Variants in SFMBT2 observed in about 807,000 individuals in gnomAD.
The protein encoded by SFMBT2 is Scm like with four mbt domains 2.
In SFMBT2, 38 loss-of-function variants were observed where a neutral mutation model predicts 110.1. That is an observed-to-expected ratio of 0.35 (90% CI 0.27 to 0.45). The LOEUF (loss-of-function observed/expected upper bound fraction) is 0.45. Ranked by LOEUF, SFMBT2 falls within the 20% of genes least tolerant of loss-of-function variation. The pLI is 1.00. For missense variants in SFMBT2, 1,011 were observed against 1,094.9 expected (o/e 0.92, Z 1.08); for synonymous variants, 425 against 425.4 (o/e 1.00, Z 0.01).
intron 4 of SFMBT2, chr10:7,348,106 T>C: frequency 4.5e-6 from 2 of 444,738 alleles, no homozygotes; most frequent in Non-Finnish European, 8.0e-6. Context: ...CATCCCTTCA[T>C]CTCTACGAGT....
intron 4 of SFMBT2, among the ~76,000 whole-genome samples, chr10:7,344,142 G>A (rs1293072310): frequency 1.3e-5 from 2 of 152,194 alleles, no homozygotes; most frequent in African/African-American, 4.8e-5. Flanking sequence ...TAGGGGAAGA[G>A]AGGAAATATT....
chr10:7,379,068 G>A (rs903341590), intron 2 of SFMBT2, among the ~76,000 whole-genome samples: 1 of 152,138 alleles, frequency 6.6e-6, no homozygotes, highest in Non-Finnish European at 1.5e-5. Flanking sequence ...CCAGTGGGCT[G>A]TTGAAGGATT....
intron 4 of SFMBT2, among the ~76,000 whole-genome samples, chr10:7,347,468 G>A (rs1438323839): frequency 6.6e-6 from 1 of 152,074 alleles, no homozygotes; most frequent in Non-Finnish European, 1.5e-5. Context: ...AGGAAAAGGG[G>A]AAATTTTGAG....
chr10:7,248,927 G>T, intron 7 of SFMBT2: 1 of 169,428 alleles, frequency 5.9e-6, no homozygotes, highest in Non-Finnish European at 1.2e-5. Context: ...GCTCGTCCTT[G>T]GTGCTATTAA....
intron 4 of SFMBT2, among the ~76,000 whole-genome samples, chr10:7,322,818 A>G (rs1270195944): frequency 6.6e-6 from 1 of 152,214 alleles, no homozygotes; most frequent in Non-Finnish European, 1.5e-5. Context: ...CCCAAGGCCA[A>G]AAATGAAGCT....
At chr10:7,335,955 A>G (rs1227850003) in intron 4 of SFMBT2, among the ~76,000 whole-genome samples, 3 of 152,228 alleles carry the variant, frequency 2.0e-5, no homozygotes. Context: ...AGCCACTAAA[A>G]AGAAAAAAAA....
At chr10:7,370,454 A>G in intron 2 of SFMBT2, 79 bp from the exon 3 acceptor site, 1 of 1,189,156 alleles carries the variant, frequency 8.4e-7, no homozygotes. Context: ...GAGACCAGAA[A>G]ATCCTTCATA....
intron 14 of SFMBT2, chr10:7,198,217 G>T: frequency 1.1e-6 from 1 of 872,848 alleles, no homozygotes; most frequent in Non-Finnish European, 1.4e-6. Flanking sequence ...TATCCAAGTT[G>T]GTAAATGCGG....
At chr10:7,179,404 A>AC (rs1564369370) in intron 16 of SFMBT2, among the ~76,000 whole-genome samples, 1 of 149,114 alleles carries the variant, frequency 6.7e-6, no homozygotes, top group African/African-American at 2.5e-5. Context: ...AAAAAAAAAA[A>AC]AAAAAAAAAA....
intron 20 of SFMBT2, among the ~76,000 whole-genome samples, chr10:7,169,961 A>G (rs1837820472): frequency 6.6e-6 from 1 of 152,154 alleles, no homozygotes; most frequent in African/African-American, 2.4e-5. Flanking sequence ...ATGCAGAAAG[A>G]AGTGAGGAAG....
At chr10:7,337,643 C>T (rs1356119176) in intron 4 of SFMBT2, among the ~76,000 whole-genome samples, 1 of 152,178 alleles carries the variant, frequency 6.6e-6, no homozygotes, top group Non-Finnish European at 1.5e-5. Context: ...GCTTCCTGTA[C>T]ATCCTGTGGA....
chr10:7,173,699 G>A (rs1012336970), intron 17 of SFMBT2, among the ~76,000 whole-genome samples: 1 of 152,098 alleles, frequency 6.6e-6, no homozygotes, highest in Non-Finnish European at 1.5e-5. Context: ...CGACCCAGAC[G>A]CCTACTCATT....
At chr10:7,268,093 C>T (rs918868421) in intron 7 of SFMBT2, among the ~76,000 whole-genome samples, 1 of 152,104 alleles carries the variant, frequency 6.6e-6, no homozygotes, top group East Asian at 1.9e-4. Context: ...ATAAGAATTG[C>T]TGGGAACGAA....
intron 4 of SFMBT2, among the ~76,000 whole-genome samples, chr10:7,341,688 C>T (rs1843909162): frequency 6.6e-6 from 1 of 152,176 alleles, no homozygotes; most frequent in African/African-American, 2.4e-5. Context: ...TTATCTTTTA[C>T]AGACACATAC....
chr10:7,308,098 T>C (rs779515379), intron 4 of SFMBT2, among the ~76,000 whole-genome samples: 3 of 152,186 alleles, frequency 2.0e-5, no homozygotes, highest in Non-Finnish European at 1.5e-5. Context: ...CTCGTGCCTA[T>C]AGTGCCTGAG....
At chr10:7,188,930 G>A (rs952977181) in intron 15 of SFMBT2, among the ~76,000 whole-genome samples, 197 bp from the exon 16 acceptor site, 1 of 152,216 alleles carries the variant, frequency 6.6e-6, no homozygotes, top group Non-Finnish European at 1.5e-5. Context: ...TGGACAAAAA[G>A]CGTGGTAAAA....
chr10:7,175,876 A>C, intron 17 of SFMBT2, 114 bp downstream of exon 17: 53 of 870,958 alleles, frequency 6.1e-5, no homozygotes, highest in Non-Finnish European at 8.7e-5. Context: ...TTCCTATGGA[A>C]GACTAGTCAA....
At chr10:7,352,016 A>C (rs113400034) in intron 4 of SFMBT2, among the ~76,000 whole-genome samples, 2 of 152,136 alleles carry the variant, frequency 1.3e-5, no homozygotes, top group African/African-American at 4.8e-5. Context: ...AAGCAGATGA[A>C]GTCGCTTTTT....
chr10:7,281,367 G>C (rs1841944240), intron 6 of SFMBT2, among the ~76,000 whole-genome samples: 3 of 152,136 alleles, frequency 2.0e-5, no homozygotes. Flanking sequence ...TGGGGAGTAT[G>C]CTCTTCTCCC....
Sources: gnomAD v4.1 joint callset for allele counts (sites outside exome capture counted in the v4.1 genomes callset) on GRCh38, gnomAD v4.1.1 for gene constraint, MANE v1.5 for transcripts, NCBI Gene and HGNC (gene_info 2026-07-23, HGNC 2026-07-21) for gene names.